The following TTC6 variants were observed in gnomAD, a reference collection of about 807,000 sequenced individuals.
The protein encoded by TTC6 is tetratricopeptide repeat domain 6.
Under a neutral mutation model 210.4 loss-of-function variants are expected in TTC6, and 172 were observed. The ratio of observed to expected loss-of-function variants is 0.82; its 90% CI spans 0.72 to 0.93. TTC6 has a LOEUF of 0.93. Among genes scored for constraint, TTC6 ranks in the 40% least tolerant of loss-of-function variants. The probability of loss-of-function intolerance (pLI) is 0.00; values close to 1 mark genes in which losing one functional copy is unlikely to be tolerated. For missense variants in TTC6, 2,414 were observed against 2,318.1 expected, an observed-to-expected ratio of 1.04 and a Z score of -0.85; for synonymous variants, 804 against 819.6, an observed-to-expected ratio of 0.98 and a Z score of 0.32.
intron 25 of TTC6, among the ~76,000 whole-genome samples, 175 bp downstream of exon 27, chr14:37,812,608 TTGCTTTGTTTGGATTACAGA>T (rs532755971): frequency 0.067 from 10,223 of 152,134 alleles, 516 homozygotes; most frequent in South Asian, 0.13. Context: ...ATGTATATTT[TTGCTTTGTTTGGATTACAGA>T]TAAACAGCCA....
At chr14:37,780,370 A>G (rs1020417316) in intron 14 of TTC6, among the ~76,000 whole-genome samples, 1 of 152,146 alleles carries the variant, frequency 6.6e-6, no homozygotes, top group Admixed American at 6.5e-5. Context: ...CCCAGTATCC[A>G]TTAGCGATTC....
At chr14:37,820,451 C>T (rs913450309) in intron 26 of TTC6, among the ~76,000 whole-genome samples, 1 of 152,166 alleles carries the variant, frequency 6.6e-6, no homozygotes, top group African/African-American at 2.4e-5. Flanking sequence ...ACTTATATGA[C>T]GTGGTGAGCT....
At position 37,786,402 on chromosome 14, in the gene TTC6, C is replaced by G. The variant is rs145324074; in HGVS notation, c.3267-1066C>G. Among the ~76,000 whole-genome samples, 973 of 152,300 alleles carry G rather than the reference C, an allele frequency of 6.4e-3. 12 individuals are homozygous for G. The highest frequency in any genetic ancestry group is 0.023 in the African/African-American group (941 of 41,562). ...GCTGTGCTAGCAGTGAGCAAGGCTC[C>G]GTGGGCGTGGGACCCTCCAAGCCAG... On this transcript the variant is annotated intron_variant, in intron 14 of 30. Transcript: ENST00000553443.
At chr14:37,672,806 T>G (rs1159168793) in intron 1 of TTC6, among the ~76,000 whole-genome samples, 1 of 150,914 alleles carries the variant, frequency 6.6e-6, no homozygotes, top group Non-Finnish European at 1.5e-5. Context: ...TAAGCAAGCT[T>G]TTCATGAATT....
chr14:37,820,917 TCTCCTCCTTCTTCTC>T (rs1162922567), intron 26 of TTC6, among the ~76,000 whole-genome samples: 39 of 143,876 alleles, frequency 2.7e-4, no homozygotes, highest in Admixed American at 8.2e-4. Flanking sequence ...TCCTCCTCCT[TCTCCTCCTTCTTCTC>T]CTCCTCCTTC....
chr14:37,823,781 A>G (rs747211789), exon 27 of TTC6: 1 of 1,613,944 alleles, frequency 6.2e-7, no homozygotes, highest in Admixed American at 1.7e-5. Context: ...CAATTTCTTT[A>G]CTTGGGCTCT....
At chr14:37,713,050 G>A (rs2095847093) in intron 5 of TTC6, among the ~76,000 whole-genome samples, 1 of 152,072 alleles carries the variant, frequency 6.6e-6, no homozygotes, top group South Asian at 2.1e-4. Flanking sequence ...AGCCAGCACT[G>A]GCAACATACC....
intron 26 of TTC6, among the ~76,000 whole-genome samples, chr14:37,819,001 CA>C (rs1238436011): frequency 6.6e-6 from 1 of 152,156 alleles, no homozygotes; most frequent in Non-Finnish European, 1.5e-5. Context: ...CTCTGTATGT[CA>C]GTTCACAATC....
intron 14 of TTC6, among the ~76,000 whole-genome samples, chr14:37,778,997 G>C (rs577700859): frequency 2.6e-4 from 40 of 152,274 alleles, no homozygotes; most frequent in Admixed American, 1.2e-3. Flanking sequence ...AACCCTCTGG[G>C]CTTTGCACAA....
At chr14:37,755,989 G>A in intron 14 of TTC6, among the ~76,000 whole-genome samples, 1 of 152,154 alleles carries the variant, frequency 6.6e-6, no homozygotes, top group Non-Finnish European at 1.5e-5. Context: ...CCGTGAGCAT[G>A]GAATGTTTTG....
chr14:37,821,011 TTCTTCTTCTTCC>T (rs1206588064), intron 26 of TTC6, among the ~76,000 whole-genome samples: 2 of 63,832 alleles, frequency 3.1e-5, no homozygotes, highest in Non-Finnish European at 7.3e-5. Context: ...CTTGCTCTTC[TTCTTCTTCTTCC>T]TCTTCTTCTT....
intron 1 of TTC6, among the ~76,000 whole-genome samples, chr14:37,667,706 T>C (rs1424394490): frequency 6.6e-6 from 1 of 150,904 alleles, no homozygotes; most frequent in Non-Finnish European, 1.5e-5. Context: ...TAAGTAGATA[T>C]TGTTATTTCC....
intron 20 of TTC6, among the ~76,000 whole-genome samples, chr14:37,799,399 T>C (rs183892660): frequency 1.8e-3 from 279 of 152,314 alleles, no homozygotes; most frequent in Middle Eastern, 6.8e-3. Flanking sequence ...CTTCATTTCC[T>C]CACTTTCCAC....
At chr14:37,646,382 A>G (rs1352217623) in intron 1 of TTC6, among the ~76,000 whole-genome samples, 1 of 152,140 alleles carries the variant, frequency 6.6e-6, no homozygotes, top group Non-Finnish European at 1.5e-5. Flanking sequence ...TGAAATCTCA[A>G]CACATCAGAA....
intron 7 of TTC6, among the ~76,000 whole-genome samples, chr14:37,735,084 C>T (rs896854724): frequency 6.6e-6 from 1 of 152,132 alleles, no homozygotes; most frequent in Non-Finnish European, 1.5e-5. Context: ...TCTTACCATA[C>T]ATTGTGCTAT....
At chr14:37,688,698 C>T (rs1442241752) in intron 3 of TTC6, among the ~76,000 whole-genome samples, 1 of 152,160 alleles carries the variant, frequency 6.6e-6, no homozygotes, top group Non-Finnish European at 1.5e-5. Flanking sequence ...AGATCTTGTT[C>T]AAGACCATCA....
chr14:37,805,786 T>C (rs950652628), intron 21 of TTC6, among the ~76,000 whole-genome samples: 2 of 152,104 alleles, frequency 1.3e-5, no homozygotes, highest in Non-Finnish European at 2.9e-5. Flanking sequence ...CTGCAACCTC[T>C]GCCTCCCAGT....
At chr14:37,837,530 GT>G (rs2096200604) in intron 29 of TTC6, 2 of 406,780 alleles carry the variant, frequency 4.9e-6, no homozygotes, top group Non-Finnish European at 9.8e-6. Context: ...AGTTCATGGA[GT>G]ATTGCCTAAA....
intron 10 of TTC6, among the ~76,000 whole-genome samples, chr14:37,746,301 C>T (rs1333485249): frequency 1.3e-5 from 2 of 152,150 alleles, no homozygotes; most frequent in East Asian, 3.9e-4. Context: ...TATGCATTCT[C>T]TGGTCTCTCC....
Sources: allele counts gnomAD v4.1 joint callset (sites outside exome capture counted in the v4.1 genomes callset), GRCh38; gene constraint gnomAD v4.1.1; transcripts MANE v1.5; gene names NCBI Gene and HGNC (gene_info 2026-07-23, HGNC 2026-07-21).